PDGFD: variants seen among roughly 807,000 people sequenced by gnomAD.
The protein encoded by PDGFD is platelet-derived growth factor D.
Under a neutral mutation model 44.7 loss-of-function variants are expected in PDGFD, and 30 were observed. That is an observed-to-expected ratio of 0.67 (90% CI 0.50 to 0.91). The LOEUF (loss-of-function observed/expected upper bound fraction) is 0.91, where lower values mean the gene tolerates loss of function less well. Ranked by LOEUF, PDGFD falls within the 40% of genes least tolerant of loss-of-function variation. The pLI, the probability that PDGFD is intolerant of heterozygous loss-of-function variation, is 0.00. For synonymous variants in PDGFD, 173 were observed against 168.4 expected, an observed-to-expected ratio of 1.03 and a Z score of -0.21; for missense variants, 445 against 457.8, an observed-to-expected ratio of 0.97 and a Z score of 0.25.
intron 3 of PDGFD, among the ~76,000 whole-genome samples, chr11:103,991,938 C>CT (rs1391078656): frequency 1.3e-5 from 2 of 152,152 alleles, no homozygotes; most frequent in African/African-American, 4.8e-5. Flanking sequence ...ACACCATCTA[C>CT]CGGGGGGAGC....
intron 1 of PDGFD, among the ~76,000 whole-genome samples, chr11:104,017,939 A>G (rs1055428850): frequency 3.3e-5 from 5 of 152,226 alleles, no homozygotes; most frequent in Non-Finnish European, 7.3e-5. Flanking sequence ...TTGAAAATCT[A>G]CTACAGTGAC....
At chr11:103,999,927 A>G in intron 2 of PDGFD, 124 bp downstream of exon 2, 1 of 825,484 alleles carries the variant, frequency 1.2e-6, no homozygotes. Context: ...CTTTTTGAAA[A>G]AGAAGCGACA....
chr11:103,917,860 G>T (rs1406968091), intron 6 of PDGFD, among the ~76,000 whole-genome samples: 1 of 152,148 alleles, frequency 6.6e-6, no homozygotes, highest in Non-Finnish European at 1.5e-5. Flanking sequence ...GGAGACCTGT[G>T]ATGCTTTGCT....
intron 1 of PDGFD, among the ~76,000 whole-genome samples, chr11:104,126,195 T>C (rs1861839253): frequency 6.6e-6 from 1 of 152,192 alleles, no homozygotes; most frequent in Non-Finnish European, 1.5e-5. Flanking sequence ...AATAAAAATC[T>C]GGCCATGCAT....
chr11:104,151,839 T>C (rs1862250399), intron 1 of PDGFD, among the ~76,000 whole-genome samples: 1 of 152,094 alleles, frequency 6.6e-6, no homozygotes, highest in Non-Finnish European at 1.5e-5. Context: ...ACTCGACCAA[T>C]ACAGATTTTT....
chr11:104,108,853 A>G (rs976511584), intron 1 of PDGFD, among the ~76,000 whole-genome samples: 34 of 152,330 alleles, frequency 2.2e-4, no homozygotes, highest in African/African-American at 5.8e-4. Flanking sequence ...CATATACACC[A>G]TGGAATACTA....
intron 1 of PDGFD, among the ~76,000 whole-genome samples, chr11:104,112,123 T>C (rs1861567244): frequency 6.6e-6 from 1 of 152,190 alleles, no homozygotes; most frequent in African/African-American, 2.4e-5. Flanking sequence ...ATTCAATTAA[T>C]TAAAGAAAAT....
chr11:103,964,348 T>C (rs1175489421), intron 3 of PDGFD, among the ~76,000 whole-genome samples: 1 of 152,162 alleles, frequency 6.6e-6, no homozygotes, highest in African/African-American at 2.4e-5. Flanking sequence ...TTTGTTTCTA[T>C]AAGTCACTGA....
rs891781884 is a variant in PDGFD at position 104,143,567 on chromosome 11, T to G, written c.124+20237A>C. ...GGAAGCCTTAGTCCTTCCCCAGTTC[T>G]GGGATAGAAGCACCACCTAGGTGCT... On this transcript the variant is annotated intron_variant, in intron 1 of 6. Transcript: ENST00000393158. 1.5e-4 allele frequency among the ~76,000 whole-genome samples: 23 copies of G among 152,340 alleles called. No individual in the cohort carries two copies. The South Asian group carries it at 4.1e-3, about 27-fold the overall frequency.
chr11:104,068,706 A>G (rs990097982), intron 1 of PDGFD, among the ~76,000 whole-genome samples: 3 of 152,302 alleles, frequency 2.0e-5, no homozygotes, highest in South Asian at 4.2e-4. Flanking sequence ...ACTTTATAAC[A>G]TATTTGGATG....
intron 1 of PDGFD, among the ~76,000 whole-genome samples, chr11:104,050,662 C>T (rs534343760): frequency 6.6e-6 from 1 of 152,268 alleles, no homozygotes; most frequent in African/African-American, 2.4e-5. Flanking sequence ...GTGTGGGGCA[C>T]TTTGGGATGT....
At position 104,163,970 on chromosome 11, in the gene PDGFD, CG is replaced by C; in HGVS notation, c.-44del. 1 of 1,494,082 alleles carries C rather than the reference CG, an allele frequency of 6.7e-7. No individual in the cohort carries two copies. The highest frequency in any genetic ancestry group is 9.0e-7 in the Non-Finnish European group (1 of 1,106,170). The allele number at this position is 1,494,082 out of a possible 1,614,324, so 92.6% of individuals were successfully genotyped here. On this transcript the variant is annotated 5_prime_UTR_variant, in exon 1 of 7. Coordinates refer to ENST00000393158, the MANE Select transcript of PDGFD (RefSeq NM_025208.5). ...AGACAGCGTCGCTCCAAGAAAAAGC[CG>C]GGTTCTGCTCCCGGGACCGACGCCG...
intron 1 of PDGFD, among the ~76,000 whole-genome samples, chr11:104,025,476 C>T (rs1361492435): frequency 6.6e-6 from 1 of 152,172 alleles, no homozygotes; most frequent in African/African-American, 2.4e-5. Flanking sequence ...AAATACAGTT[C>T]TGGTTTGTTT....
At chr11:104,035,905 T>C (rs1209803984) in intron 1 of PDGFD, among the ~76,000 whole-genome samples, 2 of 152,176 alleles carry the variant, frequency 1.3e-5, no homozygotes, top group Admixed American at 6.5e-5. Flanking sequence ...CTAAAGGCAG[T>C]ACCCTGAACA....
At chr11:104,008,307 T>TA (rs5794288) in intron 1 of PDGFD, among the ~76,000 whole-genome samples, 30,071 of 151,982 alleles carry the variant, frequency 0.2, 3,296 homozygotes, top group African/African-American at 0.29. Flanking sequence ...GCTCGGAAAA[T>TA]AAAATCTCAA....
intron 1 of PDGFD, among the ~76,000 whole-genome samples, chr11:104,092,354 T>C (rs1861222809): frequency 6.6e-6 from 1 of 152,176 alleles, no homozygotes; most frequent in Admixed American, 6.6e-5. Flanking sequence ...GGTAATTTTA[T>C]TATTCTTATT....
At chr11:104,074,196 T>G (rs997972970) in intron 1 of PDGFD, among the ~76,000 whole-genome samples, 8 of 152,160 alleles carry the variant, frequency 5.3e-5, no homozygotes, top group Non-Finnish European at 1.0e-4. Flanking sequence ...ACCCATCCAG[T>G]GGCCACAGAC....
At position 104,037,304 on chromosome 11, in the gene PDGFD, A is replaced by G. The variant is rs770684639; in HGVS notation, c.125-37049T>C. On this transcript the variant is annotated intron_variant, in intron 1 of 6. Transcript: ENST00000393158. ...AACCCCCACGATCTGTCCCTGCTCA[A>G]GGAACGCAACCCTCCCTTGGCGGAA... is the stretch of plus-strand genomic sequence containing the variant. 6 of 1,613,454 alleles carry G rather than the reference A, an allele frequency of 3.7e-6. No homozygotes were observed. In the Admixed American group the frequency reaches 1.0e-4, roughly 27 times the overall value.
intron 1 of PDGFD, among the ~76,000 whole-genome samples, chr11:104,120,942 C>T (rs1001984312): frequency 6.6e-6 from 1 of 151,968 alleles, no homozygotes; most frequent in Non-Finnish European, 1.5e-5. Flanking sequence ...AAATGTAAAA[C>T]AGAGTCTTTT....
Sources: gnomAD v4.1 joint callset for allele counts (sites outside exome capture counted in the v4.1 genomes callset) on GRCh38, gnomAD v4.1.1 for gene constraint, MANE v1.5 for transcripts, NCBI Gene and HGNC (gene_info 2026-07-23, HGNC 2026-07-21) for gene names.